TXNDC11: variants seen among roughly 807,000 people sequenced by gnomAD.
TXNDC11 encodes thioredoxin domain-containing protein 11.
In TXNDC11, 68 loss-of-function variants were observed where a neutral mutation model predicts 78.0. The observed-to-expected ratio is 0.87, with a 90% CI of 0.72 to 1.07. TXNDC11 has a LOEUF of 1.07. TXNDC11 is among the 50% of genes least tolerant of loss of function. TXNDC11 has a pLI of 0.00. For synonymous variants in TXNDC11, 571 were observed against 495.2 expected, an observed-to-expected ratio of 1.15 and a Z score of -2.03; for missense variants, 1,389 against 1,221.8, an observed-to-expected ratio of 1.14 and a Z score of -2.04.
chr16:11,698,822 C>T (rs2050930047), intron 6 of TXNDC11, among the ~76,000 whole-genome samples: 1 of 152,182 alleles, frequency 6.6e-6, no homozygotes, highest in Non-Finnish European at 1.5e-5. Flanking sequence ...CTGTATCCTC[C>T]GGGCCTAGAC....
Position 11,691,679 on chromosome 16 carries a change from T to C in TXNDC11, c.1511A>G (p.Tyr504Cys). Residue 504 changes from tyrosine (Y) to cysteine (C), a missense_variant, in exon 8 of 12, where the codon TAC (tyrosine) becomes TGC (cysteine). Tyr to Cys is a radical substitution (Grantham distance 194). Coordinates refer to ENST00000283033, the MANE Select transcript of TXNDC11 (RefSeq NM_015914.7). ...NFLTSYSPFS[Y>C]YTACCRTISR... Reference sequence around the variant, plus strand: ...TATGGTCCTGCAACATGCAGTGTAGTAGCTGAAGGGGCTATAGGAAGTTAA... The same window carrying C: ...TATGGTCCTGCAACATGCAGTGTAGCAGCTGAAGGGGCTATAGGAAGTTAA... 6.2e-6 allele frequency: 10 copies of C among 1,614,218 alleles called. No individual in the cohort carries two copies. Among genetic ancestry groups the C allele is most frequent in the Non-Finnish European group, 8.5e-6 (10 of 1,180,044 alleles).
intron 4 of TXNDC11, among the ~76,000 whole-genome samples, chr16:11,723,320 C>A (rs921058139): frequency 7.9e-5 from 12 of 151,890 alleles, no homozygotes; most frequent in African/African-American, 2.7e-4. Flanking sequence ...TGCCCTGGCT[C>A]ACGCCTGTAA....
chr16:11,725,178 T>C (rs1597480890), intron 4 of TXNDC11, among the ~76,000 whole-genome samples: 2 of 152,208 alleles, frequency 1.3e-5, no homozygotes, highest in South Asian at 4.1e-4. Context: ...AGTGCTTACC[T>C]GGGTAGAAAA....
chr16:11,707,364 A>C (rs558015461), intron 5 of TXNDC11, among the ~76,000 whole-genome samples: 1,853 of 151,586 alleles, frequency 0.012, 12 homozygotes, highest in Non-Finnish European at 0.02. Flanking sequence ...AAAAAAAAAA[A>C]CTCCATGATT....
chr16:11,691,492 G>C lies in TXNDC11; in HGVS notation c.1698C>G (p.Ser566Arg). The change falls in exon 8 of 12, where the codon AGC becomes AGG. Residue 566 changes from serine to arginine, a missense_variant. Physicochemically the swap from Ser to Arg is moderately radical, Grantham distance 110. Coordinates refer to ENST00000283033, the MANE Select transcript of TXNDC11 (RefSeq NM_015914.7). The part of the protein sequence containing the change: ...RYLFPEVDMT[S>R]TNFTGLSCRT... ...TGCAGCTCAGGCCTGTGAAGTTTGT[G>C]CTAGTCATGTCCACTTCTGGAAAGA... 1 of 1,614,206 alleles carries C rather than the reference G, an allele frequency of 6.2e-7. No homozygotes were observed. The highest frequency in any genetic ancestry group is 1.1e-5 in the South Asian group (1 of 91,088).
intron 4 of TXNDC11, among the ~76,000 whole-genome samples, chr16:11,723,761 C>G (rs1028435289): frequency 6.6e-6 from 1 of 152,174 alleles, no homozygotes; most frequent in Non-Finnish European, 1.5e-5. Context: ...TTACTTAACT[C>G]TCTTCTTCCC....
chr16:11,705,746 A>G (rs541145122), intron 5 of TXNDC11, among the ~76,000 whole-genome samples: 3 of 152,346 alleles, frequency 2.0e-5, no homozygotes, highest in African/African-American at 7.2e-5. Flanking sequence ...TACAAAAAAC[A>G]CGCTTCTATT....
At chr16:11,687,738 C>G in intron 10 of TXNDC11, 119 bp downstream of exon 10, 1 of 689,774 alleles carries the variant, frequency 1.4e-6, no homozygotes, top group South Asian at 1.6e-5. Context: ...TTAAATTCAG[C>G]CAAGTCCTAC....
At chr16:11,715,619 T>C (rs752338326) in intron 5 of TXNDC11, among the ~76,000 whole-genome samples, 5 of 152,212 alleles carry the variant, frequency 3.3e-5, no homozygotes, top group Non-Finnish European at 5.9e-5. Flanking sequence ...ACGCGTCCTT[T>C]ACCAGTCATA....
In TXNDC11 at chr16:11,679,746, T is replaced by C; in HGVS notation, c.2326A>G (p.Ser776Gly). 6.2e-7 allele frequency: 1 copy of C among 1,614,138 alleles called. No individual in the cohort carries two copies. The highest frequency in any genetic ancestry group is 8.5e-7 in the Non-Finnish European group (1 of 1,179,992). ...FILHHSDPASSPQNVANSPTK... is the reference protein window; with the variant it reads ...FILHHSDPASGPQNVANSPTK... ...GGAGAGTTAGCCACATTCTGGGGGCTGGAAGCAGGGTCTGAGTGATGCAAA... is the reference window on the plus strand; with the variant it reads ...GGAGAGTTAGCCACATTCTGGGGGCCGGAAGCAGGGTCTGAGTGATGCAAA... The change falls in exon 12 of 12, where the codon AGC (serine) becomes GGC (glycine). Residue 776 changes from serine to glycine, a missense_variant. Physicochemically the swap from Ser to Gly is moderately conservative, Grantham distance 56 (BLOSUM62 0). Transcript: ENST00000283033. The surrounding 1 kb of genome is among the most constrained non-coding windows in gnomAD (Gnocchi z 4.6).
intron 11 of TXNDC11, among the ~76,000 whole-genome samples, chr16:11,682,002 C>T (rs2050437430): frequency 6.6e-6 from 1 of 152,270 alleles, no homozygotes; most frequent in Non-Finnish European, 1.5e-5. Context: ...AACACCTCAA[C>T]ATTTTCCCCT....
intron 7 of TXNDC11, among the ~76,000 whole-genome samples, chr16:11,694,278 T>G (rs1235542615): frequency 1.3e-5 from 2 of 151,276 alleles, no homozygotes; most frequent in African/African-American, 2.4e-5. Flanking sequence ...CCCAGCCAAT[T>G]TTTTCTATTT....
intron 1 of TXNDC11, among the ~76,000 whole-genome samples, chr16:11,738,677 A>T (rs908981952): frequency 3.3e-5 from 5 of 151,514 alleles, no homozygotes; most frequent in African/African-American, 1.2e-4. Context: ...AAAAAAAAAG[A>T]CACGTTTTCA....
At chr16:11,682,962 G>T (rs771029081) in intron 11 of TXNDC11, among the ~76,000 whole-genome samples, 1 of 152,146 alleles carries the variant, frequency 6.6e-6, no homozygotes, top group African/African-American at 2.4e-5. Flanking sequence ...CAAAAGGGAG[G>T]CAGGAAATTA....
intron 5 of TXNDC11, among the ~76,000 whole-genome samples, chr16:11,708,172 A>G (rs950981820): frequency 6.6e-6 from 1 of 152,242 alleles, no homozygotes; most frequent in Non-Finnish European, 1.5e-5. Flanking sequence ...GGTAATGATG[A>G]AAAAGCAAGA....
At position 11,691,581 on chromosome 16, in the gene TXNDC11, G is replaced by A; in HGVS notation, c.1609C>T (p.Leu537Phe). ...GCATCAACCTCACATTTCTTCTCAA[G>A]GGAAGAAAATGCAACAGTAGGGGCT... Reference protein sequence around the residue: ...FEAPTVAFSSLEKKCEVDAPS... With the variant: ...FEAPTVAFSSFEKKCEVDAPS... Residue 537 changes from leucine (L) to phenylalanine (F), a missense_variant, in exon 8 of 12, where the codon CTT becomes TTT. Transcript: ENST00000283033. 1 of 1,614,178 alleles carries A rather than the reference G, an allele frequency of 6.2e-7. No individual in the cohort carries two copies. Among genetic ancestry groups the A allele is most frequent in the Non-Finnish European group, 8.5e-7 (1 of 1,180,030 alleles).
In TXNDC11 at chr16:11,698,251, G is replaced by C; in HGVS notation, c.981C>G (p.Leu327=). The change falls in exon 7 of 12, where the codon CTC becomes CTG. Residue 327 remains leucine (L), a synonymous_variant. Coordinates refer to ENST00000283033, the MANE Select transcript of TXNDC11 (RefSeq NM_015914.7). ...CKWALENQET[L]FRWLRPHGGK... is the part of the protein sequence containing the mutation. ...CTCCGTGTGGCCGCAGCCACCGAAA[G>C]AGCGTCTCCTGGTTTTCTAAGGCCC... is the stretch of plus-strand genomic sequence containing the variant. 6.2e-7 allele frequency: 1 copy of C among 1,614,206 alleles called. No individual in the cohort carries two copies. The highest frequency in any genetic ancestry group is 1.7e-4 in the Middle Eastern group (1 of 6,054).
At chr16:11,688,095 T>G in intron 9 of TXNDC11, 129 bp from the exon 10 acceptor site, 1 of 936,552 alleles carries the variant, frequency 1.1e-6, no homozygotes, top group Admixed American at 2.2e-5. Flanking sequence ...GTGAAAATTT[T>G]CATCTTTAGG....
chr16:11,730,513 G>T, intron 4 of TXNDC11, 132 bp downstream of exon 4: 2 of 880,486 alleles, frequency 2.3e-6, no homozygotes, highest in African/African-American at 1.7e-5. Context: ...TTTAACTGGG[G>T]CTGATCTATC....
Sources: gnomAD v4.1 joint callset for allele counts (sites outside exome capture counted in the v4.1 genomes callset) on GRCh38, gnomAD v4.1.1 for gene constraint, Gnocchi (gnomAD v3.1) non-coding constraint, MANE v1.5 for transcripts, NCBI Gene and HGNC (gene_info 2026-07-23, HGNC 2026-07-21) for gene names.